The following PHF21B variants were observed in gnomAD, a reference collection of about 807,000 sequenced individuals.
PHF21B encodes the protein PHD finger protein 4.
PHF21B carries 22 observed loss-of-function variants against 62.2 expected under a neutral mutation model. The ratio of observed to expected loss-of-function variants is 0.35; its 90% CI spans 0.25 to 0.51. The LOEUF is 0.51. Among genes scored for constraint, PHF21B ranks in the 20% least tolerant of loss-of-function variants. PHF21B has a pLI of 0.97. For missense variants in PHF21B, 701 were observed against 707.9 expected (o/e 0.99, Z 0.11); for synonymous variants, 341 against 314.7 (o/e 1.08, Z -0.88).
chr22:44,902,298 A>G, intron 5 of PHF21B: 1 of 295,456 alleles, frequency 3.4e-6, no homozygotes, highest in Non-Finnish European at 6.8e-6. Context: ...GGGCAGCGCA[A>G]GGTTGATCAT....
At chr22:44,895,903 G>T in intron 6 of PHF21B, 129 bp downstream of exon 6, 2 of 990,698 alleles carry the variant, frequency 2.0e-6, no homozygotes, top group Non-Finnish European at 1.6e-6. Flanking sequence ...CTGCAGCAGT[G>T]TGAGGCCACG....
chr22:45,008,174 T>A (rs972746150), intron 2 of PHF21B: 2 of 186,988 alleles, frequency 1.1e-5, no homozygotes, highest in Non-Finnish European at 2.2e-5. Flanking sequence ...GAGTTTGGTG[T>A]CCAGGCCCCC....
chr22:44,958,070 C>G (rs1392160343), intron 2 of PHF21B, among the ~76,000 whole-genome samples: 1 of 152,008 alleles, frequency 6.6e-6, no homozygotes, highest in East Asian at 1.9e-4. Context: ...GCCTGGCTAA[C>G]TTTTTGTATT....
intron 2 of PHF21B, among the ~76,000 whole-genome samples, chr22:44,991,074 C>T (rs972850818): frequency 1.3e-5 from 2 of 152,198 alleles, no homozygotes; most frequent in Admixed American, 6.5e-5. Flanking sequence ...TGCCGTCCAT[C>T]GGGCAGGGCA....
At chr22:44,890,582 G>A (rs1199509044) in intron 8 of PHF21B, among the ~76,000 whole-genome samples, 1 of 152,236 alleles carries the variant, frequency 6.6e-6, no homozygotes, top group Non-Finnish European at 1.5e-5. Flanking sequence ...CATGTTGAAA[G>A]CTACACAGAA....
intron 2 of PHF21B, among the ~76,000 whole-genome samples, chr22:44,941,030 C>T (rs974398859): frequency 6.6e-6 from 1 of 152,202 alleles, no homozygotes; most frequent in African/African-American, 2.4e-5. Flanking sequence ...CAGCGGGATT[C>T]GTGAACAGTA....
chr22:44,892,476 G>C (rs930464392), intron 7 of PHF21B, among the ~76,000 whole-genome samples: 2 of 152,244 alleles, frequency 1.3e-5, no homozygotes, highest in Non-Finnish European at 2.9e-5. Context: ...AGGTTCCCAA[G>C]ACATGGATTC....
intron 5 of PHF21B, chr22:44,902,460 A>C (rs2071176983): frequency 5.8e-6 from 1 of 173,678 alleles, no homozygotes; most frequent in Non-Finnish European, 1.2e-5. Context: ...AGGATATATA[A>C]AAATAAAATA....
chr22:44,917,533 G>C (rs568230309), intron 3 of PHF21B, among the ~76,000 whole-genome samples: 1 of 152,234 alleles, frequency 6.6e-6, no homozygotes, highest in South Asian at 2.1e-4. Context: ...GAGAGACAAG[G>C]GGACAAGGAG....
chr22:44,995,877 G>A (rs765233702), intron 2 of PHF21B, among the ~76,000 whole-genome samples: 190 of 144,860 alleles, frequency 1.3e-3, no homozygotes, highest in Middle Eastern at 3.6e-3. Context: ...GCCCATCTCC[G>A]CCGGGCCCCA....
At chr22:44,896,880 GTT>G (rs56878868) in intron 5 of PHF21B, among the ~76,000 whole-genome samples, 4 of 84,084 alleles carry the variant, frequency 4.8e-5, no homozygotes, top group African/African-American at 8.3e-5. Flanking sequence ...AGTTTTATCT[GTT>G]TTTTTTTTTT....
chr22:45,006,723 T>C (rs1429931743), intron 2 of PHF21B, among the ~76,000 whole-genome samples: 1 of 152,122 alleles, frequency 6.6e-6, no homozygotes, highest in African/African-American at 2.4e-5. Context: ...TCCTAGGTTA[T>C]TGGATTTTTT....
chr22:44,914,629 C>T (rs1168902310), intron 4 of PHF21B, among the ~76,000 whole-genome samples: 1 of 152,234 alleles, frequency 6.6e-6, no homozygotes, highest in African/African-American at 2.4e-5. Context: ...GCCTGAGACA[C>T]ACAACCCTGG....
rs552137599 is a variant in PHF21B at position 45,002,141 on chromosome 22, C to A, written c.120+6404G>T. The A allele has an allele frequency of 2.6e-5, 4 of 152,254 alleles. No individual in the cohort carries two copies. In the South Asian group the frequency reaches 8.3e-4, roughly 32 times the overall value. 9.4% of individuals were successfully genotyped at this position (152,254 alleles called of 1,614,324 possible). On this transcript the variant is annotated intron_variant, in intron 2 of 12. Transcript: ENST00000313237. ...CAAATCCTTCCTCTCATTTTAGTAA[C>A]AGACAAAATAATAACTATTTCATAC...
rs1388395258 is a variant in PHF21B at position 44,986,263 on chromosome 22, CCAG to C, written c.120+22279_120+22281del. On this transcript the variant is annotated intron_variant, in intron 2 of 12. Coordinates refer to ENST00000313237, the MANE Select transcript of PHF21B (RefSeq NM_138415.5). The stretch of plus-strand genomic sequence containing the variant: ...ATGACAACCATCATCACCACCATCA[CCAG>C]CAGCACCATCATGAGCACCACCGCC... Among the ~76,000 whole-genome samples the C allele has an allele frequency of 5.3e-5, 8 of 151,610 alleles. No individual in the cohort carries two copies. In the East Asian group the frequency reaches 1.4e-3, roughly 26 times the overall value.
At position 44,888,268 on chromosome 22, in the gene PHF21B, G is replaced by C. The variant is rs1260271120; in HGVS notation, c.1039-147C>G. ...TTCCCAGCAGCTCTACGGAGAGAGA[G>C]GGATAAACCCTGGAGGGCGACAGTG... On this transcript the variant is annotated intron_variant, in intron 9 of 12. Transcript: ENST00000313237. 2.9e-6 allele frequency: 3 copies of C among 1,039,440 alleles called. No homozygotes were observed. The Admixed American group carries it at 1.0e-4, about 35-fold the overall frequency. The allele number at this position is 1,039,440 out of a possible 1,614,324, so 64.4% of individuals were successfully genotyped here. A position where few individuals can be genotyped will look rare whatever the true frequency, so the allele number is the denominator to read the frequency against.
At chr22:44,901,694 G>C (rs1461211333) in intron 5 of PHF21B, 1 of 450,904 alleles carries the variant, frequency 2.2e-6, no homozygotes, top group African/African-American at 2.1e-5. Flanking sequence ...AAGCCCAAGG[G>C]GGAAGCCCCA....
At chr22:45,005,752 G>C (rs955371600) in intron 2 of PHF21B, among the ~76,000 whole-genome samples, 1 of 152,064 alleles carries the variant, frequency 6.6e-6, no homozygotes, top group Non-Finnish European at 1.5e-5. Flanking sequence ...CTTTATATCC[G>C]ATGTTCCAGC....
At chr22:44,999,809 C>G (rs933463667) in intron 2 of PHF21B, among the ~76,000 whole-genome samples, 7 of 152,048 alleles carry the variant, frequency 4.6e-5, no homozygotes, top group Admixed American at 4.6e-4. Context: ...CCTCTCTGGG[C>G]CGAGCCAGTC....
Sources: allele counts gnomAD v4.1 joint callset (sites outside exome capture counted in the v4.1 genomes callset), GRCh38; gene constraint gnomAD v4.1.1; transcripts MANE v1.5; gene names NCBI Gene and HGNC (gene_info 2026-07-23, HGNC 2026-07-21).